Variants in NCKAP5 observed in about 807,000 individuals in gnomAD.
The protein encoded by NCKAP5 is NCK associated protein 5.
A neutral mutation model predicts 167.0 loss-of-function variants in NCKAP5; 92 were observed. The ratio of observed to expected loss-of-function variants is 0.55; its 90% CI spans 0.47 to 0.66. The LOEUF (loss-of-function observed/expected upper bound fraction) is 0.66. Among genes scored for constraint, NCKAP5 ranks in the 30% least tolerant of loss-of-function variants. NCKAP5 has a pLI of 0.00. For synonymous variants in NCKAP5, 891 were observed against 877.4 expected (o/e 1.02, Z -0.27); for missense variants, 2,378 against 2,315.0 (o/e 1.03, Z -0.56).
chr2:133,007,071 A>C (rs2077994386), intron 6 of NCKAP5, among the ~76,000 whole-genome samples: 1 of 152,102 alleles, frequency 6.6e-6, no homozygotes, highest in African/African-American at 2.4e-5. Flanking sequence ...TTGGGGCCAT[A>C]ATATGGTCAG....
intron 6 of NCKAP5, among the ~76,000 whole-genome samples, chr2:133,066,267 A>G (rs185776435): frequency 7.7e-4 from 118 of 152,332 alleles, no homozygotes; most frequent in African/African-American, 2.7e-3. Flanking sequence ...AGAACTCACA[A>G]TTGAGCCAGC....
At chr2:133,619,818 C>G in the NCKAP5 span, among the ~76,000 whole-genome samples, 1 of 151,992 alleles carries the variant, frequency 6.6e-6, no homozygotes, top group Non-Finnish European at 1.5e-5. Flanking sequence ...TATCTAAAGT[C>G]AAGACGAAGG....
the NCKAP5 span, among the ~76,000 whole-genome samples, chr2:133,642,828 T>C: frequency 1.3e-4 from 20 of 152,378 alleles, no homozygotes; most frequent in Admixed American, 4.6e-4. Flanking sequence ...ATAAATGTTA[T>C]GAAAGTTCAT....
At chr2:132,844,156 T>G (rs1688497900) in intron 11 of NCKAP5, among the ~76,000 whole-genome samples, 1 of 152,136 alleles carries the variant, frequency 6.6e-6, no homozygotes, top group Non-Finnish European at 1.5e-5. Flanking sequence ...ATGTAATACG[T>G]TTTCTTTAAA....
intron 7 of NCKAP5, among the ~76,000 whole-genome samples, chr2:132,966,411 T>C (rs1381603532): frequency 1.3e-5 from 2 of 152,182 alleles, no homozygotes; most frequent in East Asian, 3.9e-4. Flanking sequence ...TGGACAAACT[T>C]TTTAATTTCA....
intron 11 of NCKAP5, among the ~76,000 whole-genome samples, chr2:132,848,824 A>G (rs529801087): frequency 1.3e-5 from 2 of 152,304 alleles, no homozygotes; most frequent in South Asian, 2.1e-4. Flanking sequence ...ACATAGTGAG[A>G]CCTTGTCTCC....
intron 2 of NCKAP5, among the ~76,000 whole-genome samples, chr2:133,536,007 G>T (rs989628576): frequency 6.6e-6 from 1 of 152,056 alleles, no homozygotes; most frequent in Non-Finnish European, 1.5e-5. Context: ...TTGCTGAGTT[G>T]TTTGAGTTCC....
intron 3 of NCKAP5, among the ~76,000 whole-genome samples, chr2:133,426,618 C>A (rs1373386050): frequency 1.3e-5 from 2 of 152,056 alleles, no homozygotes; most frequent in African/African-American, 4.8e-5. Context: ...AACAACACAT[C>A]AAAAAGATTA....
chr2:133,494,379 C>T (rs2151364725), intron 3 of NCKAP5, among the ~76,000 whole-genome samples: 1 of 152,278 alleles, frequency 6.6e-6, no homozygotes, highest in African/African-American at 2.4e-5. Flanking sequence ...CTCTGCATTT[C>T]CATGTCATTG....
At chr2:133,432,976 A>G (rs536064784) in intron 3 of NCKAP5, among the ~76,000 whole-genome samples, 2 of 152,332 alleles carry the variant, frequency 1.3e-5, no homozygotes, top group African/African-American at 4.8e-5. Context: ...AAGGAGAATT[A>G]ATGGGTCAAA....
chr2:132,831,943 T>C (rs1173798788), intron 11 of NCKAP5, among the ~76,000 whole-genome samples: 1 of 152,256 alleles, frequency 6.6e-6, no homozygotes, highest in South Asian at 2.1e-4. Context: ...GTTTCATCTA[T>C]TGATTTAAAA....
At chr2:133,560,857 T>G (rs757918630) in intron 1 of NCKAP5, among the ~76,000 whole-genome samples, 5 of 152,224 alleles carry the variant, frequency 3.3e-5, no homozygotes, top group Non-Finnish European at 7.3e-5. Flanking sequence ...CAAGTATAAC[T>G]TGTGCCTAGG....
rs768340592 is a variant in NCKAP5 at position 132,782,642 on chromosome 2, G to C, written c.4169C>G (p.Ala1390Gly). Residue 1390 changes from alanine (A) to glycine (G), a missense_variant, in exon 14 of 20, where the codon GCC becomes GGC. Around this residue, in one of 3 missense-constraint regions of NCKAP5, gnomAD observed 1,325 missense variants for 1,274.5 expected, o/e 1.04. Coordinates refer to ENST00000409261, the MANE Select transcript of NCKAP5 (RefSeq NM_207363.3). ...LIPPGKEDQQ[A>G]FTQGECPSAN... Reference sequence around the variant, plus strand: ...ACTGGGGCACTCTCCCTGGGTGAAGGCCTGCTGGTCTTCCTTTCCAGGTGG... The same window carrying C: ...ACTGGGGCACTCTCCCTGGGTGAAGCCCTGCTGGTCTTCCTTTCCAGGTGG... The C allele has an allele frequency of 7.5e-6, 12 of 1,608,542 alleles. No individual in the cohort carries two copies. In the African/African-American group the frequency reaches 1.5e-4, roughly 20 times the overall value.
intron 1 of NCKAP5, among the ~76,000 whole-genome samples, chr2:133,559,591 A>G (rs534925660): frequency 6.6e-6 from 1 of 152,244 alleles, no homozygotes; most frequent in Non-Finnish European, 1.5e-5. Flanking sequence ...AGTCACTGAG[A>G]TTATAAGCGT....
At chr2:133,045,187 A>G (rs2079352721) in intron 6 of NCKAP5, among the ~76,000 whole-genome samples, 1 of 152,174 alleles carries the variant, frequency 6.6e-6, no homozygotes. Context: ...GATTATTCAC[A>G]TGATGGAACA....
chr2:132,816,268 T>C (rs978405919), intron 11 of NCKAP5, among the ~76,000 whole-genome samples: 1 of 152,132 alleles, frequency 6.6e-6, no homozygotes, highest in South Asian at 2.1e-4. Flanking sequence ...AATCACCCTT[T>C]CGGCAGCAAG....
intron 19 of NCKAP5, among the ~76,000 whole-genome samples, chr2:132,715,785 G>C (rs1262730337): frequency 1.3e-5 from 2 of 152,168 alleles, no homozygotes; most frequent in Non-Finnish European, 2.9e-5. Context: ...AAGCCCTTGG[G>C]AGGAAGTGAT....
chr2:133,325,260 G>A (rs184287479), intron 3 of NCKAP5, among the ~76,000 whole-genome samples: 12 of 152,210 alleles, frequency 7.9e-5, no homozygotes, highest in African/African-American at 1.2e-4. Context: ...AGGATTTTGC[G>A]TCTCCAAAGT....
intron 8 of NCKAP5, among the ~76,000 whole-genome samples, chr2:132,935,315 C>T (rs543768694): frequency 1.9e-4 from 29 of 152,190 alleles, no homozygotes; most frequent in Non-Finnish European, 3.7e-4. Context: ...CCTGAGCCTT[C>T]ACCAAATTGC....
Sources: gnomAD v4.1 joint callset for allele counts (sites outside exome capture counted in the v4.1 genomes callset) on GRCh38, gnomAD v4.1.1 for gene constraint, gnomAD v4.1.1 regional missense constraint, MANE v1.5 for transcripts, NCBI Gene and HGNC (gene_info 2026-07-23, HGNC 2026-07-21) for gene names.